Variants in TP53BP1 observed in about 807,000 individuals in gnomAD.
The protein encoded by TP53BP1 is tumor protein p53 binding protein 1, also known as TP53-binding protein 1.
Under a neutral mutation model 200.8 loss-of-function variants are expected in TP53BP1, and 61 were observed. The ratio of observed to expected loss-of-function variants is 0.30; its 90% CI spans 0.25 to 0.38. TP53BP1 has a LOEUF of 0.38. TP53BP1 is among the 10% of genes least tolerant of loss of function. The pLI is 1.00. For missense variants in TP53BP1, 2,144 were observed against 2,371.9 expected (o/e 0.90, Z 2.00); for synonymous variants, 822 against 844.3 (o/e 0.97, Z 0.46).
chr15:43,476,273 A>G (rs1196654744), intron 8 of TP53BP1, among the ~76,000 whole-genome samples: 3 of 152,184 alleles, frequency 2.0e-5, no homozygotes, highest in Non-Finnish European at 4.4e-5. Context: ...TCAAAAAAAT[A>G]AATAAATAAA....
chr15:43,455,938 C>A lies in TP53BP1; in HGVS notation c.2670G>T (p.Gly890=). 1 of 1,614,216 alleles carries A rather than the reference C, an allele frequency of 6.2e-7. No individual in the cohort carries two copies. The highest frequency in any genetic ancestry group is 8.5e-7 in the Non-Finnish European group (1 of 1,180,036). ...LSSDAEAQKL[G]KPSAHASQSF... is the part of the protein sequence containing the mutation. ...TTTGTGAGGCATGGGCAGAGGGCTT[C>A]CCCAGCTTCTGGGCCTCTGCATCTG... is the stretch of plus-strand genomic sequence containing the variant. The change falls in exon 12 of 28, where the codon GGG becomes GGT. Residue 890 remains glycine, a synonymous_variant. Transcript: ENST00000382044.
intron 4 of TP53BP1, among the ~76,000 whole-genome samples, chr15:43,481,354 T>A (rs888019531): frequency 6.6e-6 from 1 of 151,818 alleles, no homozygotes; most frequent in African/African-American, 2.4e-5. Flanking sequence ...CTCAAAAAAC[T>A]TTTTAAAAGT....
intron 24 of TP53BP1, 112 bp downstream of exon 24, chr15:43,413,006 TG>T: frequency 3.2e-6 from 3 of 933,958 alleles, no homozygotes; most frequent in Non-Finnish European, 4.9e-6. Context: ...AGATCCCAGT[TG>T]CTACTTGCCT....
At chr15:43,462,702 G>A (rs904070743) in intron 11 of TP53BP1, among the ~76,000 whole-genome samples, 1 of 152,054 alleles carries the variant, frequency 6.6e-6, no homozygotes, top group Admixed American at 6.6e-5. Flanking sequence ...CATCACTAAC[G>A]TAAAGCTATA....
chr15:43,498,168 G>A (rs1052066392), intron 1 of TP53BP1, among the ~76,000 whole-genome samples: 7 of 152,052 alleles, frequency 4.6e-5, no homozygotes, highest in Non-Finnish European at 1.0e-4. Flanking sequence ...TGTGTGCTAT[G>A]TTTCACAATA....
At chr15:43,439,138 ACT>A (rs1328604253) in intron 15 of TP53BP1, among the ~76,000 whole-genome samples, 3 of 152,108 alleles carry the variant, frequency 2.0e-5, no homozygotes, top group Non-Finnish European at 4.4e-5. Context: ...CCATTATACT[ACT>A]CTCTCTACTT....
intron 11 of TP53BP1, among the ~76,000 whole-genome samples, chr15:43,465,461 C>T (rs1342033682): frequency 6.6e-6 from 1 of 151,284 alleles, no homozygotes; most frequent in Admixed American, 6.6e-5. Context: ...CTAAAAGAGA[C>T]AGAGATGATC....
intron 17 of TP53BP1, among the ~76,000 whole-genome samples, chr15:43,430,014 C>G (rs1329520613): frequency 1.3e-5 from 2 of 152,120 alleles, no homozygotes; most frequent in Admixed American, 6.5e-5. Context: ...TTAAGCGTGT[C>G]TGAGAGAATA....
chr15:43,483,811 A>G (rs2079008681), intron 4 of TP53BP1, among the ~76,000 whole-genome samples: 1 of 152,122 alleles, frequency 6.6e-6, no homozygotes, highest in African/African-American at 2.4e-5. Flanking sequence ...AAAACAACAC[A>G]CTTTGAGCTC....
At chr15:43,454,554 G>T (rs1456833914) in intron 12 of TP53BP1, among the ~76,000 whole-genome samples, 1 of 151,516 alleles carries the variant, frequency 6.6e-6, no homozygotes, top group African/African-American at 2.4e-5. Context: ...GTAAAGACAG[G>T]GTTTCTCCAT....
At chr15:43,502,612 G>A (rs2140179574) in intron 1 of TP53BP1, among the ~76,000 whole-genome samples, 1 of 146,472 alleles carries the variant, frequency 6.8e-6, no homozygotes. Flanking sequence ...CCGCCACCAC[G>A]ACCTATTTTT....
intron 21 of TP53BP1, 125 bp downstream of exon 21, chr15:43,420,180 A>C: frequency 2.2e-6 from 2 of 927,904 alleles, no homozygotes; most frequent in Non-Finnish European, 1.6e-6. Context: ...TTTTGTAGGA[A>C]TGAAATTTCT....
chr15:43,485,011 T>TA (rs2079026309), intron 4 of TP53BP1, among the ~76,000 whole-genome samples: 1 of 151,998 alleles, frequency 6.6e-6, no homozygotes. Context: ...CGGCCTCACT[T>TA]AGATTTTTAA....
At position 43,452,626 on chromosome 15, in the gene TP53BP1, A is replaced by C. The variant is rs550031015; in HGVS notation, c.2716+3266T>G. ...CCCTTCATGTTCTAATTTGTAGTTA[A>C]AATTATTTTTATTTAACTTCTCCTC... On this transcript the variant is annotated intron_variant, in intron 12 of 27. Transcript: ENST00000382044. Among the ~76,000 whole-genome samples the C allele has an allele frequency of 5.4e-5, 7 of 130,624 alleles. No homozygotes were observed. The South Asian group carries it at 1.6e-3, about 29-fold the overall frequency. 85.7% of individuals were successfully genotyped at this position (130,624 alleles called of 152,430 possible).
chr15:43,404,886 C>T lies in TP53BP1; in HGVS notation c.*2497G>A, dbSNP rs1299323556. Reference sequence around the variant, plus strand: ...CCGTGGGCACCCCGCCTTGCTGGTCCCTAGCTTCCGCATCTGTGAAAGGAG... The same window carrying T: ...CCGTGGGCACCCCGCCTTGCTGGTCTCTAGCTTCCGCATCTGTGAAAGGAG... On this transcript the variant is annotated 3_prime_UTR_variant, in exon 28 of 28. Coordinates refer to ENST00000382044, the MANE Select transcript of TP53BP1 (RefSeq NM_001141980.3). The T allele has an allele frequency of 1.0e-5, 5 of 489,118 alleles. No individual in the cohort carries two copies. The South Asian group carries it at 1.4e-4, about 13-fold the overall frequency. The allele number at this position is 489,118 out of a possible 1,614,324, so 30.3% of individuals were successfully genotyped here.
chr15:43,432,521 C>T lies in TP53BP1; in HGVS notation c.3348G>A (p.Gly1116=), dbSNP rs2045695815. 6.2e-7 allele frequency: 1 copy of T among 1,614,008 alleles called. No individual in the cohort carries two copies. Among genetic ancestry groups the T allele is most frequent in the Non-Finnish European group, 8.5e-7 (1 of 1,180,026 alleles). Residue 1116 remains glycine (G), a synonymous_variant, in exon 17 of 28, where the codon GGG becomes GGA. Coordinates refer to ENST00000382044, the MANE Select transcript of TP53BP1 (RefSeq NM_001141980.3). ...SPASQKMVIQ[G]PSSPQGEAMV... ...TTGCCTCTCCTTGAGGACTGGATGG[C>T]CCTTGTATGACCATCTTCTGGGAAG...
chr15:43,406,664 A>C lies in TP53BP1; in HGVS notation c.*719T>G. 2.2e-6 allele frequency: 1 copy of C among 452,980 alleles called. No individual in the cohort carries two copies. Among genetic ancestry groups the C allele is most frequent in the South Asian group, 1.6e-5 (1 of 63,670 alleles). 28.1% of individuals were successfully genotyped at this position (452,980 alleles called of 1,614,324 possible). A position where few individuals can be genotyped will look rare whatever the true frequency, so the allele number is the denominator to read the frequency against. ...GCCATGCAGGGATCAGTGATGCCAG[A>C]GGAAGGGAAGGAACTGCTTCCAGCT... On this transcript the variant is annotated 3_prime_UTR_variant, in exon 28 of 28. Coordinates refer to ENST00000382044, the MANE Select transcript of TP53BP1 (RefSeq NM_001141980.3).
At chr15:43,442,435 C>T (rs1455615409) in intron 14 of TP53BP1, among the ~76,000 whole-genome samples, 1 of 151,854 alleles carries the variant, frequency 6.6e-6, no homozygotes, top group Non-Finnish European at 1.5e-5. Context: ...TTCCACCAAT[C>T]AATTTTCTTT....
chr15:43,427,187 TAACA>T (rs1209268495), intron 18 of TP53BP1, among the ~76,000 whole-genome samples: 2 of 152,148 alleles, frequency 1.3e-5, no homozygotes, highest in Non-Finnish European at 2.9e-5. Flanking sequence ...CCATTCAAGA[TAACA>T]AACAGTCACT....
Sources: allele counts gnomAD v4.1 joint callset (sites outside exome capture counted in the v4.1 genomes callset), GRCh38; gene constraint gnomAD v4.1.1; transcripts MANE v1.5; gene names NCBI Gene and HGNC (gene_info 2026-07-23, HGNC 2026-07-21).